The following PDE7A variants were observed in gnomAD, a reference collection of about 807,000 sequenced individuals.
PDE7A encodes the protein phosphodiesterase 7A, also known as high affinity 3',5'-cyclic-AMP phosphodiesterase 7A.
PDE7A carries 39 observed loss-of-function variants against 64.3 expected under a neutral mutation model. The observed-to-expected ratio is 0.61, with a 90% CI of 0.47 to 0.79. PDE7A has a LOEUF of 0.79. Ranked by LOEUF, PDE7A falls within the 30% of genes least tolerant of loss-of-function variation. PDE7A has a pLI of 0.00. For synonymous variants in PDE7A, 203 were observed against 206.8 expected, an observed-to-expected ratio of 0.98 and a Z score of 0.16; for missense variants, 470 against 582.8, an observed-to-expected ratio of 0.81 and a Z score of 1.99.
intron 1 of PDE7A, among the ~76,000 whole-genome samples, chr8:65,795,756 C>T (rs75365514): frequency 0.057 from 8,688 of 152,080 alleles, 358 homozygotes; most frequent in Middle Eastern, 0.11. Context: ...ATTTAACATT[C>T]TTTAAAAGAT....
chr8:65,821,050 G>A (rs1426727822), intron 1 of PDE7A, among the ~76,000 whole-genome samples: 1 of 152,094 alleles, frequency 6.6e-6, no homozygotes, highest in Non-Finnish European at 1.5e-5. Flanking sequence ...GCAAATCAGT[G>A]TCATCTGCAT....
intron 3 of PDE7A, among the ~76,000 whole-genome samples, chr8:65,753,929 A>G (rs955752282): frequency 3.3e-5 from 5 of 152,080 alleles, no homozygotes; most frequent in African/African-American, 1.2e-4. Flanking sequence ...GCCAATAATA[A>G]TATAGTCACC....
intron 1 of PDE7A, among the ~76,000 whole-genome samples, chr8:65,814,648 G>GCTTA (rs1233406023): frequency 6.6e-6 from 1 of 151,754 alleles, no homozygotes; most frequent in African/African-American, 2.4e-5. Context: ...TATAAACATT[G>GCTTA]CTTAACTCTG....
intron 5 of PDE7A, among the ~76,000 whole-genome samples, chr8:65,741,942 C>T (rs930940091): frequency 1.3e-5 from 2 of 152,140 alleles, no homozygotes; most frequent in Admixed American, 6.6e-5. Context: ...AATGTCCCCA[C>T]CAAAGGAATC....
rs1214391612 is a variant in PDE7A at position 65,716,508 on chromosome 8, A to T, written c.*2782T>A. ...GAAGAGGGTACCCTGGTCCACAAAC[A>T]TGAATATCACAGAAGACATGGGTCT... On this transcript the variant is annotated 3_prime_UTR_variant, in exon 13 of 13. Transcript: ENST00000401827. 2.6e-5 allele frequency among the ~76,000 whole-genome samples: 4 copies of T among 152,106 alleles called. No homozygotes were observed. Among genetic ancestry groups the T allele is most frequent in the African/African-American group, 9.7e-5 (4 of 41,420 alleles).
intron 1 of PDE7A, among the ~76,000 whole-genome samples, chr8:65,794,143 T>A (rs968734547): frequency 6.6e-6 from 1 of 152,188 alleles, no homozygotes; most frequent in African/African-American, 2.4e-5. Context: ...GAAAATGCTA[T>A]CACTCACAAC....
At chr8:65,822,667 C>T (rs1810571270) in intron 1 of PDE7A, among the ~76,000 whole-genome samples, 1 of 152,128 alleles carries the variant, frequency 6.6e-6, no homozygotes, top group East Asian at 1.9e-4. Context: ...GAACTGAAAC[C>T]AGAGTTGGTT....
chr8:65,762,991 A>ATGTGTG lies in PDE7A; in HGVS notation c.284-15194_284-15189dup, dbSNP rs34371328. The stretch of plus-strand genomic sequence containing the variant: ...ATCTCTTTATATTTATATAAAAACA[A>ATGTGTG]TGTGTGTGTGTGTGTGTGTGTGTGT... On this transcript the variant is annotated intron_variant, in intron 3 of 12. Transcript: ENST00000401827. Among the ~76,000 whole-genome samples, 188 of 138,612 alleles carry ATGTGTG rather than the reference A, an allele frequency of 1.4e-3. 1 individual carries two copies. The highest frequency in any genetic ancestry group is 2.0e-3 in the African/African-American group (76 of 37,676). 90.9% of individuals were successfully genotyped at this position (138,612 alleles called of 152,430 possible).
chr8:65,723,798 T>C lies in PDE7A; in HGVS notation c.1163-177A>G, dbSNP rs558681210. Among the ~76,000 whole-genome samples, 41 of 152,324 alleles carry C rather than the reference T, an allele frequency of 2.7e-4. No individual in the cohort carries two copies. The East Asian group carries it at 7.3e-3, about 27-fold the overall frequency. On this transcript the variant is annotated intron_variant, in intron 11 of 12. Coordinates refer to ENST00000401827, the MANE Select transcript of PDE7A (RefSeq NM_001242318.3). Reference sequence around the variant, plus strand: ...TAAGTTATTTACACATAGAAGAGATTGCCAAGCTGATATTTTTATTTAAAT... The same window carrying C: ...TAAGTTATTTACACATAGAAGAGATCGCCAAGCTGATATTTTTATTTAAAT...
chr8:65,753,116 T>C (rs1487063516), intron 3 of PDE7A, among the ~76,000 whole-genome samples: 1 of 152,218 alleles, frequency 6.6e-6, no homozygotes, highest in Non-Finnish European at 1.5e-5. Flanking sequence ...TCATCAGTTC[T>C]ATGGCAGCAC....
intron 1 of PDE7A, among the ~76,000 whole-genome samples, chr8:65,801,297 A>C (rs1809980242): frequency 6.6e-6 from 1 of 152,232 alleles, no homozygotes; most frequent in Non-Finnish European, 1.5e-5. Flanking sequence ...TCTACCACTG[A>C]AAACAACTAA....
intron 1 of PDE7A, among the ~76,000 whole-genome samples, chr8:65,815,094 A>T (rs1407348804): frequency 2.6e-5 from 4 of 150,986 alleles, no homozygotes; most frequent in Non-Finnish European, 5.9e-5. Context: ...AAAAAAAAAA[A>T]TTAATTTTGC....
At chr8:65,824,082 A>G (rs930618207) in intron 1 of PDE7A, among the ~76,000 whole-genome samples, 1 of 152,166 alleles carries the variant, frequency 6.6e-6, no homozygotes, top group Non-Finnish European at 1.5e-5. Flanking sequence ...TTTTTTACAA[A>G]ATGAAGGTCT....
In PDE7A at chr8:65,804,540, CTTTTTTT is replaced by C. The variant is rs762379703; in HGVS notation, c.139-21704_139-21698del. ...GAAAGCTGAAAGTTTCATTTTGTTG[CTTTTTTT>C]TTTTTTTTTTTTGAAGACAGTGTTT... On this transcript the variant is annotated intron_variant, in intron 1 of 12. Coordinates refer to ENST00000401827, the MANE Select transcript of PDE7A (RefSeq NM_001242318.3). Among the ~76,000 whole-genome samples, 4 of 113,046 alleles carry C rather than the reference CTTTTTTT, an allele frequency of 3.5e-5. No individual in the cohort carries two copies. In the East Asian group the frequency reaches 9.0e-4, roughly 25 times the overall value. 74.2% of individuals were successfully genotyped at this position (113,046 alleles called of 152,430 possible). A position where few individuals can be genotyped will look rare whatever the true frequency, so the allele number is the denominator to read the frequency against.
chr8:65,776,721 C>T (rs767655442), intron 3 of PDE7A, among the ~76,000 whole-genome samples: 3 of 152,176 alleles, frequency 2.0e-5, no homozygotes, highest in Non-Finnish European at 2.9e-5. Context: ...ACTCCCACTA[C>T]GTACTGACTT....
At chr8:65,778,367 G>C (rs1809317258) in intron 3 of PDE7A, among the ~76,000 whole-genome samples, 2 of 152,282 alleles carry the variant, frequency 1.3e-5, no homozygotes, top group South Asian at 2.1e-4. Flanking sequence ...ACACCTAAGA[G>C]TGCAGAAGCC....
chr8:65,804,713 A>G (rs1229540976), intron 1 of PDE7A, among the ~76,000 whole-genome samples: 2 of 151,588 alleles, frequency 1.3e-5, no homozygotes, highest in African/African-American at 2.4e-5. Flanking sequence ...AGCTTTTTCT[A>G]TTTTTAGTAG....
At chr8:65,830,773 C>G (rs1480588764) in intron 1 of PDE7A, among the ~76,000 whole-genome samples, 3 of 152,060 alleles carry the variant, frequency 2.0e-5, no homozygotes, top group Non-Finnish European at 4.4e-5. Flanking sequence ...GAACTCAGAA[C>G]TGAGTGACCA....
intron 1 of PDE7A, among the ~76,000 whole-genome samples, chr8:65,836,079 G>C (rs556893850): frequency 6.6e-6 from 1 of 152,254 alleles, no homozygotes; most frequent in South Asian, 2.1e-4. Flanking sequence ...CAACAAAACA[G>C]GTGTTTTGAG....
Sources: allele counts gnomAD v4.1 joint callset (sites outside exome capture counted in the v4.1 genomes callset), GRCh38; gene constraint gnomAD v4.1.1; transcripts MANE v1.5; gene names NCBI Gene and HGNC (gene_info 2026-07-23, HGNC 2026-07-21).